Variants in FUT8 observed in about 807,000 individuals in gnomAD.
FUT8 encodes the protein alpha-(1,6)-fucosyltransferase.
FUT8 carries 29 observed loss-of-function variants against 71.3 expected under a neutral mutation model. The observed-to-expected ratio is 0.41, with a 90% confidence interval of 0.30 to 0.55. The LOEUF is 0.55. Ranked by LOEUF, FUT8 falls within the 20% of genes least tolerant of loss-of-function variation. The pLI, the probability that FUT8 is intolerant of heterozygous loss-of-function variation, is 0.34. For missense variants in FUT8, 544 were observed against 702.1 expected (o/e 0.77, Z 2.55); for synonymous variants, 254 against 239.3 (o/e 1.06, Z -0.57).
intron 2 of FUT8, among the ~76,000 whole-genome samples, chr14:65,498,566 TA>T (rs2066595994): frequency 6.6e-6 from 1 of 152,218 alleles, no homozygotes; most frequent in Admixed American, 6.5e-5. Flanking sequence ...TGCTCTGCTT[TA>T]AATACTCATA....
At chr14:65,622,187 C>T (rs73268512) in intron 5 of FUT8, among the ~76,000 whole-genome samples, 21,571 of 152,150 alleles carry the variant, frequency 0.14, 2,112 homozygotes, top group East Asian at 0.48. Context: ...TTAACACAGG[C>T]TAAGTTAACA....
At chr14:65,401,433 T>C in the FUT8 span, among the ~76,000 whole-genome samples, 20 of 152,184 alleles carry the variant, frequency 1.3e-4, no homozygotes, top group African/African-American at 4.8e-4. Context: ...CCAGAAGACC[T>C]ATGACATGGC....
intron 7 of FUT8, among the ~76,000 whole-genome samples, chr14:65,700,812 G>A (rs1036069193): frequency 2.7e-4 from 41 of 152,110 alleles, no homozygotes; most frequent in East Asian, 1.9e-4. Context: ...GCCTCTCAGC[G>A]TTCATCTTTT....
chr14:65,507,162 T>G (rs1350842296), intron 2 of FUT8, among the ~76,000 whole-genome samples: 2 of 152,252 alleles, frequency 1.3e-5, no homozygotes, highest in Non-Finnish European at 2.9e-5. Context: ...TAAGATTATA[T>G]GAGTAAACAA....
chr14:65,611,770 C>T (rs1889012986), intron 3 of FUT8, among the ~76,000 whole-genome samples: 1 of 152,140 alleles, frequency 6.6e-6, no homozygotes, highest in South Asian at 2.1e-4. Context: ...AAGCAGTTCT[C>T]CTGCCTCAGC....
chr14:65,476,261 A>G (rs111333494), intron 2 of FUT8, among the ~76,000 whole-genome samples: 14 of 152,290 alleles, frequency 9.2e-5, no homozygotes, highest in African/African-American at 3.4e-4. Flanking sequence ...TTTTTTCATC[A>G]TAGATCAGGA....
intron 2 of FUT8, among the ~76,000 whole-genome samples, chr14:65,527,677 G>A (rs986401548): frequency 7.9e-5 from 12 of 151,988 alleles, no homozygotes; most frequent in African/African-American, 2.7e-4. Context: ...CATCTTTGTG[G>A]TTTTATCTAC....
intron 1 of FUT8, among the ~76,000 whole-genome samples, chr14:65,436,626 C>G (rs1486315121): frequency 1.8e-5 from 1 of 54,318 alleles, no homozygotes. Flanking sequence ...GAGACTCCCT[C>G]TCAAAAAAAA....
At chr14:65,670,526 C>T (rs1892424615) in intron 7 of FUT8, among the ~76,000 whole-genome samples, 1 of 152,006 alleles carries the variant, frequency 6.6e-6, no homozygotes, top group African/African-American at 2.4e-5. Context: ...AGGATAAATA[C>T]TAAGCAAGAC....
At chr14:65,530,427 G>A (rs986712461) in intron 2 of FUT8, among the ~76,000 whole-genome samples, 10 of 152,044 alleles carry the variant, frequency 6.6e-5, no homozygotes, top group Non-Finnish European at 1.2e-4. Context: ...GGTAATTCTC[G>A]ATCCTATTAC....
intron 3 of FUT8, among the ~76,000 whole-genome samples, chr14:65,579,235 A>G (rs1042713087): frequency 6.6e-6 from 1 of 152,198 alleles, no homozygotes; most frequent in Non-Finnish European, 1.5e-5. Context: ...TACTGCCAAC[A>G]CTGTCCTCTT....
chr14:65,733,201 G>T (rs200192986), intron 9 of FUT8, 30 bp from the exon 10 acceptor site: 10 of 1,440,524 alleles, frequency 6.9e-6, no homozygotes, highest in South Asian at 5.0e-5. Context: ...TGATATCTAT[G>T]ACCATCTATA....
chr14:65,395,234 C>T, the FUT8 span, among the ~76,000 whole-genome samples: 7 of 152,208 alleles, frequency 4.6e-5, no homozygotes, highest in African/African-American at 1.7e-4. Context: ...GCACATGGTA[C>T]AAGCTGTTGC....
intron 7 of FUT8, among the ~76,000 whole-genome samples, chr14:65,720,644 TA>T (rs1442870657): frequency 6.6e-6 from 1 of 152,144 alleles, no homozygotes; most frequent in Non-Finnish European, 1.5e-5. Flanking sequence ...ACGTGCCCCC[TA>T]GGTCCAATGA....
chr14:65,366,032 C>A, the FUT8 span, among the ~76,000 whole-genome samples: 1 of 152,060 alleles, frequency 6.6e-6, no homozygotes, highest in Non-Finnish European at 1.5e-5. Flanking sequence ...AATAAACTTG[C>A]TCTCACTTTA....
chr14:65,561,185 T>A (rs1186060280), intron 2 of FUT8, among the ~76,000 whole-genome samples, 152 bp from the exon 3 acceptor site: 1 of 152,182 alleles, frequency 6.6e-6, no homozygotes, highest in Non-Finnish European at 1.5e-5. Context: ...ATTAACAGAT[T>A]TAAAGCTTTT....
intron 3 of FUT8, among the ~76,000 whole-genome samples, chr14:65,586,373 G>A (rs34772005): frequency 0.14 from 20,837 of 152,148 alleles, 1,921 homozygotes; most frequent in South Asian, 0.28. Flanking sequence ...CACCAGCCAA[G>A]TATAGATTCA....
chr14:65,645,575 TGTA>T (rs1411303477), intron 6 of FUT8, among the ~76,000 whole-genome samples: 1 of 152,232 alleles, frequency 6.6e-6, no homozygotes, highest in Non-Finnish European at 1.5e-5. Context: ...ACTTCATATT[TGTA>T]GTACTGCTGT....
intron 2 of FUT8, among the ~76,000 whole-genome samples, chr14:65,556,682 A>T (rs1185254705): frequency 6.6e-6 from 1 of 152,172 alleles, no homozygotes; most frequent in Non-Finnish European, 1.5e-5. Context: ...GTGGACGCAG[A>T]GATAGTTGGC....
Sources: allele counts gnomAD v4.1 joint callset (sites outside exome capture counted in the v4.1 genomes callset), GRCh38; gene constraint gnomAD v4.1.1; transcripts MANE v1.5; gene names NCBI Gene and HGNC (gene_info 2026-07-23, HGNC 2026-07-21).